Variants in TMEM186 observed in about 807,000 individuals in gnomAD.
TMEM186 encodes chromosome 16 open reading frame 51.
In TMEM186, 2 loss-of-function variants were observed where a neutral mutation model predicts 2.5. That is an observed-to-expected ratio of 0.79 (90% CI 0.32 to 2.50). The LOEUF is 2.50. Ranked by LOEUF, TMEM186 falls within the 30% of genes most tolerant of loss-of-function variation. The pLI is 0.11. For missense variants in TMEM186, 321 were observed against 276.5 expected (o/e 1.16, Z -1.14); for synonymous variants, 120 against 104.9 (o/e 1.14, Z -0.88).
Position 8,795,897 on chromosome 16 carries a change from C to G in TMEM186, c.*55G>C. The G allele has an allele frequency of 1.3e-6, 2 of 1,562,730 alleles. No homozygotes were observed. Among genetic ancestry groups the G allele is most frequent in the Non-Finnish European group, 1.7e-6 (2 of 1,152,070 alleles). On this transcript the variant is annotated 3_prime_UTR_variant, in exon 2 of 2. Transcript: ENST00000333050. ...TCTTCAGCCTTGCCCACACCCTCAGCCTTCCTGTTAATCCAGGCGACCCAG... is the reference window on the plus strand; with the variant it reads ...TCTTCAGCCTTGCCCACACCCTCAGGCTTCCTGTTAATCCAGGCGACCCAG...
chr16:8,795,849 GTC>G lies in TMEM186; in HGVS notation c.*101_*102del. ...ACATGTTCCCAGGGGCCCAGGCAAA[GTC>G]TCCAAGTACCCAGTCCCCTTTCTTC... is the stretch of plus-strand genomic sequence containing the variant. On this transcript the variant is annotated 3_prime_UTR_variant, in exon 2 of 2. Transcript: ENST00000333050. 1.5e-6 allele frequency: 2 copies of G among 1,371,874 alleles called. No homozygotes were observed. Among genetic ancestry groups the G allele is most frequent in the Non-Finnish European group, 2.0e-6 (2 of 1,003,752 alleles). 85.0% of individuals were successfully genotyped at this position (1,371,874 alleles called of 1,614,324 possible).
chr16:8,797,109 T>G (rs570192117), intron 1 of TMEM186, among the ~76,000 whole-genome samples: 2 of 152,310 alleles, frequency 1.3e-5, no homozygotes, highest in South Asian at 2.1e-4. Flanking sequence ...TATGCTATCT[T>G]GGGTGCTGGA....
At position 8,796,024 on chromosome 16, in the gene TMEM186, G is replaced by C. The variant is rs1250891474; in HGVS notation, c.570C>G (p.Thr190=). ...TGTCCAGGATGCGTCCATAGCGCAG[G>C]GTGACGTAGAAGGTCTGTTTCCCAC... ...RYSGKQTFYV[T]LRYGRILDRE... Residue 190 remains threonine, a synonymous_variant, in exon 2 of 2, where the codon ACC becomes ACG. Coordinates refer to ENST00000333050, the MANE Select transcript of TMEM186 (RefSeq NM_015421.4). 3 of 1,614,198 alleles carry C rather than the reference G, an allele frequency of 1.9e-6. No homozygotes were observed. The highest frequency in any genetic ancestry group is 2.5e-6 in the Non-Finnish European group (3 of 1,180,030).
In TMEM186 at chr16:8,796,303, G is replaced by T; in HGVS notation, c.291C>A (p.Leu97=). ...TGAGGCACACGGTGTTGAGAGTGAG[G>T]AGGCCCTGGGAGTACAAGTAATAGC... The part of the protein sequence containing the change: ...PPGYYLYSQG[L]LTLNTVCLMS... Residue 97 remains leucine, a synonymous_variant, in exon 2 of 2, where the codon CTC becomes CTA. Transcript: ENST00000333050. The T allele has an allele frequency of 6.2e-7, 1 of 1,614,224 alleles. No individual in the cohort carries two copies. Among genetic ancestry groups the T allele is most frequent in the Non-Finnish European group, 8.5e-7 (1 of 1,180,044 alleles).
intron 1 of TMEM186, among the ~76,000 whole-genome samples, chr16:8,797,366 T>A (rs565422672): frequency 6.6e-6 from 1 of 152,302 alleles, no homozygotes; most frequent in South Asian, 2.1e-4. Context: ...AGAGGATGGT[T>A]TCAGAGTCCT....
rs1303471585 is a variant in TMEM186, at chr16:8,796,592, T to G, written c.4-2A>C. The G allele has an allele frequency of 6.2e-7, 1 of 1,610,498 alleles. No homozygotes were observed. Among genetic ancestry groups the G allele is most frequent in the South Asian group, 1.1e-5 (1 of 91,070 alleles). On this transcript the variant is annotated splice_acceptor_variant, in intron 1 of 1. Coordinates refer to ENST00000333050, the MANE Select transcript of TMEM186 (RefSeq NM_015421.4). LOFTEE classifies it high-confidence loss of function. ...ACGCACAGCTCGGAGAAGGGCAGCC[T>G]GAAAGGGAGACAGTAGACCATTTCT...
Position 8,796,423 on chromosome 16 carries a change from C to A in TMEM186, c.171G>T (p.Trp57Cys). The A allele has an allele frequency of 6.2e-7, 1 of 1,614,186 alleles. No homozygotes were observed. Among genetic ancestry groups the A allele is most frequent in the Non-Finnish European group, 8.5e-7 (1 of 1,180,036 alleles). ...KLPNAETEKF[W>C]MFYRFDAIRT... The stretch of plus-strand genomic sequence containing the variant: ...TGATGGCATCAAAACGGTAAAACAT[C>A]CAGAATTTCTCAGTCTCTGCGTTTG... Residue 57 changes from tryptophan (W) to cysteine (C), a missense_variant, in exon 2 of 2, where the codon TGG (tryptophan) becomes TGT (cysteine). Coordinates refer to ENST00000333050, the MANE Select transcript of TMEM186 (RefSeq NM_015421.4).
In TMEM186 at chr16:8,795,892, C is replaced by A; in HGVS notation, c.*60G>T. ...CCCTTTCTTCAGCCTTGCCCACACC[C>A]TCAGCCTTCCTGTTAATCCAGGCGA... On this transcript the variant is annotated 3_prime_UTR_variant, in exon 2 of 2. Transcript: ENST00000333050. The A allele has an allele frequency of 1.9e-6, 3 of 1,557,834 alleles. No homozygotes were observed. Among genetic ancestry groups the A allele is most frequent in the East Asian group, 2.3e-5 (1 of 44,406 alleles).
Position 8,795,813 on chromosome 16 carries a change from C to A in TMEM186, c.*139G>T. On this transcript the variant is annotated 3_prime_UTR_variant, in exon 2 of 2. Coordinates refer to ENST00000333050, the MANE Select transcript of TMEM186 (RefSeq NM_015421.4). ...CCAGCTCTTGCCTTGTGAATTTATT[C>A]ACCACAAAACACATGTTCCCAGGGG... 9.7e-7 allele frequency: 1 copy of A among 1,026,108 alleles called. No individual in the cohort carries two copies. Among genetic ancestry groups the A allele is most frequent in the Non-Finnish European group, 1.4e-6 (1 of 693,506 alleles). 63.6% of individuals were successfully genotyped at this position (1,026,108 alleles called of 1,614,324 possible). A position where few individuals can be genotyped will look rare whatever the true frequency, so the allele number is the denominator to read the frequency against.
chr16:8,797,576 C>A (rs753925814), intron 1 of TMEM186, 36 bp downstream of exon 1: 17 of 1,595,618 alleles, frequency 1.1e-5, no homozygotes, highest in African/African-American at 1.3e-5. Context: ...CCCCAAAGAG[C>A]ATCACCCCCT....
At position 8,795,647 on chromosome 16, in the gene TMEM186, A is replaced by T; in HGVS notation, c.*305T>A. ...ACACCTCTTTGCCTTTCTCTTTCAC[A>T]CCAATGGACTCTATGGGTGACCTTG... On this transcript the variant is annotated 3_prime_UTR_variant, in exon 2 of 2. Coordinates refer to ENST00000333050, the MANE Select transcript of TMEM186 (RefSeq NM_015421.4). 1 of 279,558 alleles carries T rather than the reference A, an allele frequency of 3.6e-6. No homozygotes were observed. 17.3% of individuals were successfully genotyped at this position (279,558 alleles called of 1,614,324 possible).
rs746570324 is a variant in TMEM186, at chr16:8,795,333, C to T, written c.*619G>A. The T allele has an allele frequency of 3.9e-5, 6 of 152,614 alleles. No homozygotes were observed. Among genetic ancestry groups the T allele is most frequent in the Admixed American group, 3.3e-4 (5 of 15,326 alleles). 9.5% of individuals were successfully genotyped at this position (152,614 alleles called of 1,614,324 possible). A position where few individuals can be genotyped will look rare whatever the true frequency, so the allele number is the denominator to read the frequency against. On this transcript the variant is annotated 3_prime_UTR_variant, in exon 2 of 2. Coordinates refer to ENST00000333050, the MANE Select transcript of TMEM186 (RefSeq NM_015421.4). ...TTAACATCCTGACAGACCCTTCTGC[C>T]GCTGGATATGTGAGGGGCACAGCAC... is the stretch of plus-strand genomic sequence containing the variant.
chr16:8,796,673 C>T, intron 1 of TMEM186, 83 bp from the exon 2 acceptor site: 1 of 1,492,312 alleles, frequency 6.7e-7, no homozygotes. Flanking sequence ...GCACCATACT[C>T]TAAGGCTTCT....
chr16:8,796,830 T>C (rs1295954865), intron 1 of TMEM186, among the ~76,000 whole-genome samples: 1 of 152,190 alleles, frequency 6.6e-6, no homozygotes, highest in Non-Finnish European at 1.5e-5. Flanking sequence ...GAGGGTAAGA[T>C]ATTTACCAAA....
At chr16:8,797,399 T>G (rs752259514) in intron 1 of TMEM186, among the ~76,000 whole-genome samples, 1 of 152,166 alleles carries the variant, frequency 6.6e-6, no homozygotes, top group Non-Finnish European at 1.5e-5. Flanking sequence ...TAATGCACTG[T>G]GAGAGCTCGG....
chr16:8,796,352 A>G lies in TMEM186; in HGVS notation c.242T>C (p.Leu81Pro). The change falls in exon 2 of 2, where the codon CTG (leucine) becomes CCG (proline). Residue 81 changes from leucine (L) to proline (P), a missense_variant. By Grantham distance (98) the Leu-to-Pro change is moderately conservative (BLOSUM62 -3). Coordinates refer to ENST00000333050, the MANE Select transcript of TMEM186 (RefSeq NM_015421.4). Reference sequence around the variant, plus strand: ...GCCTGGTGGCAAAGCTACCACTGTCAGGGCAGTCTGTGCCAACTTCAGTCG... The same window carrying G: ...GCCTGGTGGCAAAGCTACCACTGTCGGGGCAGTCTGTGCCAACTTCAGTCG... ...LSRLKLAQTA[L>P]TVVALPPGYY... The G allele has an allele frequency of 1.2e-6, 2 of 1,614,240 alleles. No individual in the cohort carries two copies. Among genetic ancestry groups the G allele is most frequent in the Non-Finnish European group, 1.7e-6 (2 of 1,180,054 alleles).
rs756377484 is a variant in TMEM186 at position 8,796,150 on chromosome 16, C to T, written c.444G>A (p.Trp148Ter). The T allele has an allele frequency of 1.9e-6, 3 of 1,614,180 alleles. No individual in the cohort carries two copies. Among genetic ancestry groups the T allele is most frequent in the Non-Finnish European group, 2.5e-6 (3 of 1,180,046 alleles). Residue 148 changes from tryptophan (W) to a stop codon, truncating the protein, a stop_gained, in exon 2 of 2, where the codon TGG becomes TGA. Transcript: ENST00000333050. LOFTEE classifies it low-confidence loss of function (END_TRUNC). The part of the protein sequence containing the change: ...TMLRVAHLNF[W>*]GWRQDTYCPM... ...GACAGTATGTGTCCTGCCGCCAGCC[C>T]CAGAAGTTCAGATGGGCCACCCGCA... is the stretch of plus-strand genomic sequence containing the variant.
Position 8,796,183 on chromosome 16 carries a change from G to C in TMEM186, c.411C>G (p.Gly137=), listed in dbSNP as rs763426684. The C allele has an allele frequency of 4.3e-6, 7 of 1,614,196 alleles. No homozygotes were observed. Among genetic ancestry groups the C allele is most frequent in the Non-Finnish European group, 5.9e-6 (7 of 1,180,040 alleles). ...LVGILYLNES[G]TMLRVAHLNF... is the part of the protein sequence containing the mutation. ...TCAGATGGGCCACCCGCAGCATGGT[G>C]CCAGACTCATTCAGATACAGGATAC... Residue 137 remains glycine, a synonymous_variant, in exon 2 of 2, where the codon GGC becomes GGG. Transcript: ENST00000333050.
intron 1 of TMEM186, 140 bp from the exon 2 acceptor site, chr16:8,796,730 A>C: frequency 9.9e-7 from 1 of 1,009,212 alleles, no homozygotes; most frequent in South Asian, 1.7e-5. Context: ...GGAAGGGTAA[A>C]GCCAGATGCT....
Sources: gnomAD v4.1 joint callset for allele counts (sites outside exome capture counted in the v4.1 genomes callset) on GRCh38, gnomAD v4.1.1 for gene constraint, MANE v1.5 for transcripts, NCBI Gene and HGNC (gene_info 2026-07-23, HGNC 2026-07-21) for gene names.